DIAPH2: variants seen among roughly 807,000 people sequenced by gnomAD.
The protein encoded by DIAPH2 is protein diaphanous homolog 2.
A neutral mutation model predicts 92.7 loss-of-function variants in DIAPH2; 35 were observed. That is an observed-to-expected ratio of 0.38 (90% CI 0.29 to 0.50). The LOEUF (loss-of-function observed/expected upper bound fraction) is 0.50. Ranked by LOEUF, DIAPH2 falls within the 20% of genes least tolerant of loss-of-function variation. The probability of loss-of-function intolerance (pLI) is 0.94; values close to 1 mark genes in which losing one functional copy is unlikely to be tolerated. For synonymous variants in DIAPH2, 301 were observed against 280.4 expected (o/e 1.07, Z -0.73); for missense variants, 701 against 819.5 (o/e 0.86, Z 1.77).
At chrX:96,825,187 C>G (rs1312303328) in intron 4 of DIAPH2, among the ~76,000 whole-genome samples, 1 of 106,711 alleles carries the variant, frequency 9.4e-6, no homozygotes, top group Admixed American at 1.0e-4. Flanking sequence ...AACTGCTGAC[C>G]TCAAGTGATC....
chrX:96,811,143 T>C (rs1426669636), intron 4 of DIAPH2, among the ~76,000 whole-genome samples: 1 of 112,007 alleles, frequency 8.9e-6, no homozygotes, highest in Non-Finnish European at 1.9e-5. Context: ...ATTCTTCCTA[T>C]CCATGAGCAT....
chrX:97,389,422 C>T (rs1018748485), intron 25 of DIAPH2, among the ~76,000 whole-genome samples: 4 of 102,073 alleles, frequency 3.9e-5, no homozygotes, highest in Non-Finnish European at 7.9e-5. Context: ...GCCGAGATCA[C>T]GCCACTGCAC....
intron 4 of DIAPH2, among the ~76,000 whole-genome samples, chrX:96,809,746 C>T (rs985130661): frequency 9.0e-6 from 1 of 111,483 alleles, no homozygotes; most frequent in Non-Finnish European, 1.9e-5. Context: ...CAATTCCCAC[C>T]TATCAGTGAG....
chrX:97,444,925 C>A (rs2070293714), intron 26 of DIAPH2, among the ~76,000 whole-genome samples: 2 of 111,697 alleles, frequency 1.8e-5, no homozygotes, highest in Non-Finnish European at 3.8e-5. Context: ...AACGTGGAAG[C>A]ACCCAGATGA....
At chrX:97,487,972 T>G (rs1048823833) in intron 26 of DIAPH2, among the ~76,000 whole-genome samples, 3 of 111,949 alleles carry the variant, frequency 2.7e-5, no homozygotes, top group African/African-American at 9.8e-5. Context: ...ATTTGGGAGC[T>G]TTTTTGTTTT....
chrX:97,001,515 A>C (rs1488580667), intron 17 of DIAPH2, among the ~76,000 whole-genome samples: 4 of 110,533 alleles, frequency 3.6e-5, no homozygotes, highest in Non-Finnish European at 7.6e-5. Flanking sequence ...GCGTGGTAGC[A>C]AGCGCCTGTA....
intron 26 of DIAPH2, among the ~76,000 whole-genome samples, chrX:97,523,964 AAAAG>A (rs2071007555): frequency 8.9e-6 from 1 of 112,113 alleles, no homozygotes; most frequent in Non-Finnish European, 1.9e-5. Context: ...TCTTTTAAGA[AAAAG>A]AAAGCTAGTA....
chrX:96,962,430 C>CACAT (rs2065865326), intron 16 of DIAPH2, among the ~76,000 whole-genome samples: 1 of 43,725 alleles, frequency 2.3e-5, no homozygotes, highest in Non-Finnish European at 4.3e-5. Flanking sequence ...CATATATATA[C>CACAT]ATATATATAT....
intron 4 of DIAPH2, among the ~76,000 whole-genome samples, chrX:96,816,450 G>T (rs1376214679): frequency 8.9e-6 from 1 of 111,976 alleles, no homozygotes; most frequent in African/African-American, 3.3e-5. Context: ...AATTGAAGAA[G>T]GAGAGAGATG....
At chrX:96,922,342 T>C (rs1160833410) in intron 9 of DIAPH2, among the ~76,000 whole-genome samples, 1 of 111,540 alleles carries the variant, frequency 9.0e-6, no homozygotes. Flanking sequence ...AGAGGTATCA[T>C]CTTCTACCCA....
intron 22 of DIAPH2, among the ~76,000 whole-genome samples, chrX:97,226,853 C>G (rs1264580360): frequency 8.9e-6 from 1 of 111,792 alleles, no homozygotes; most frequent in Admixed American, 9.5e-5. Flanking sequence ...TATGTCATAA[C>G]AATACAGAAA....
intron 23 of DIAPH2, among the ~76,000 whole-genome samples, chrX:97,254,365 G>A (rs1042350275): frequency 9.1e-6 from 1 of 109,650 alleles, no homozygotes; most frequent in Non-Finnish European, 1.9e-5. Flanking sequence ...GATGGCAGGC[G>A]CCTGTAATCC....
intron 22 of DIAPH2, among the ~76,000 whole-genome samples, chrX:97,190,132 T>C (rs779839415): frequency 8.8e-6 from 1 of 113,132 alleles, no homozygotes; most frequent in South Asian, 3.6e-4. Context: ...TCACCACTGA[T>C]GATCTGCTCT....
intron 23 of DIAPH2, among the ~76,000 whole-genome samples, chrX:97,334,998 C>CAAAACA (rs1556029056): frequency 6.4e-5 from 2 of 31,468 alleles, no homozygotes; most frequent in Admixed American, 6.1e-4. Context: ...AAAAACAAAA[C>CAAAACA]AAAAAAAAAA....
chrX:97,161,581 T>C lies in DIAPH2; in HGVS notation c.2719+19787T>C, dbSNP rs2067373841. Among the ~76,000 whole-genome samples the C allele has an allele frequency of 2.7e-5, 3 of 111,176 alleles. No homozygotes were observed. In the South Asian group the frequency reaches 1.2e-3, roughly 43 times the overall value. Reference sequence around the variant, plus strand: ...ACACCTGGCTAATTTTTTTGTATTTTTGGTGGAGAAGGGGGTTTCGCCACC... The same window carrying C: ...ACACCTGGCTAATTTTTTTGTATTTCTGGTGGAGAAGGGGGTTTCGCCACC... On this transcript the variant is annotated intron_variant, in intron 22 of 26. Coordinates refer to ENST00000324765, the MANE Select transcript of DIAPH2 (RefSeq NM_006729.5).
chrX:96,955,394 G>T (rs2065804235), intron 15 of DIAPH2, among the ~76,000 whole-genome samples: 1 of 111,617 alleles, frequency 9.0e-6, no homozygotes, highest in African/African-American at 3.3e-5. Flanking sequence ...GATTTAGATG[G>T]CGATGCAGAG....
intron 25 of DIAPH2, among the ~76,000 whole-genome samples, chrX:97,386,752 G>A (rs1178449378): frequency 9.3e-6 from 1 of 108,040 alleles, no homozygotes; most frequent in Non-Finnish European, 1.9e-5. Flanking sequence ...AGAAGAGATA[G>A]TAGGGGACAG....
intron 22 of DIAPH2, among the ~76,000 whole-genome samples, chrX:97,196,154 A>T (rs2067701578): frequency 1.8e-5 from 2 of 111,322 alleles, no homozygotes; most frequent in Non-Finnish European, 3.8e-5. Context: ...AAAGCTCGGT[A>T]GCTTATCACT....
intron 15 of DIAPH2, among the ~76,000 whole-genome samples, chrX:96,952,550 A>G (rs973116432): frequency 1.8e-5 from 2 of 110,290 alleles, no homozygotes; most frequent in African/African-American, 6.6e-5. Flanking sequence ...CCTGGCCAAC[A>G]TGGTGAATCC....
Sources: gnomAD v4.1 joint callset for allele counts (sites outside exome capture counted in the v4.1 genomes callset) on GRCh38, gnomAD v4.1.1 for gene constraint, MANE v1.5 for transcripts, NCBI Gene and HGNC (gene_info 2026-07-23, HGNC 2026-07-21) for gene names.